Variants in TMEM131L observed in about 807,000 individuals in gnomAD.
TMEM131L encodes the protein transmembrane 131 like.
A neutral mutation model predicts 192.2 loss-of-function variants in TMEM131L; 54 were observed. That is an observed-to-expected ratio of 0.28 (90% confidence interval 0.23 to 0.35). The LOEUF is 0.35. TMEM131L is among the 10% of genes least tolerant of loss of function. The probability of loss-of-function intolerance (pLI) is 1.00; values close to 1 mark genes in which losing one functional copy is unlikely to be tolerated. For synonymous variants in TMEM131L, 701 were observed against 704.9 expected, an observed-to-expected ratio of 0.99 and a Z score of 0.09; for missense variants, 1,888 against 1,972.9, an observed-to-expected ratio of 0.96 and a Z score of 0.82.
At chr4:153,626,546 A>G (rs1003707982) in intron 30 of TMEM131L, among the ~76,000 whole-genome samples, 2 of 152,214 alleles carry the variant, frequency 1.3e-5, no homozygotes, top group African/African-American at 2.4e-5. Flanking sequence ...TCTTGAGTCC[A>G]GGAGTTCAGG....
At chr4:153,625,524 G>C (rs1733778662) in intron 29 of TMEM131L, among the ~76,000 whole-genome samples, 1 of 152,140 alleles carries the variant, frequency 6.6e-6, no homozygotes, top group African/African-American at 2.4e-5. Context: ...CAGTCTTCAA[G>C]TTGCATTTGA....
intron 3 of TMEM131L, among the ~76,000 whole-genome samples, chr4:153,528,944 T>C (rs6535921): frequency 0.47 from 70,916 of 152,014 alleles, 20,908 homozygotes; most frequent in African/African-American, 0.85. Flanking sequence ...TAGGGTAAGT[T>C]TCTGTGGGTC....
chr4:153,572,326 TTTTTG>T (rs1449354841), intron 7 of TMEM131L, among the ~76,000 whole-genome samples: 3 of 152,062 alleles, frequency 2.0e-5, no homozygotes, highest in African/African-American at 7.2e-5. Context: ...GGTTATTTCT[TTTTTG>T]TTTTGTTTTG....
intron 7 of TMEM131L, among the ~76,000 whole-genome samples, chr4:153,580,223 A>G (rs1473110065): frequency 6.6e-6 from 1 of 152,150 alleles, no homozygotes; most frequent in Admixed American, 6.5e-5. Context: ...ACATCATCCC[A>G]GGGGCTGTTA....
chr4:153,482,069 C>T (rs913941045), intron 3 of TMEM131L, among the ~76,000 whole-genome samples: 1 of 152,146 alleles, frequency 6.6e-6, no homozygotes, highest in Non-Finnish European at 1.5e-5. Flanking sequence ...TGGTCTTGAT[C>T]TCTTGACCTC....
chr4:153,609,421 T>C lies in TMEM131L; in HGVS notation c.3419-2831T>C, dbSNP rs529992198. 4.1e-4 allele frequency among the ~76,000 whole-genome samples: 63 copies of C among 152,264 alleles called. No individual in the cohort carries two copies. The Middle Eastern group carries it at 0.01, about 25-fold the overall frequency. Reference sequence around the variant, plus strand: ...CTCCCACCAGGCCCCTCCTCCAACATTGAGGATTACAATTTGACATGAGAT... The same window carrying C: ...CTCCCACCAGGCCCCTCCTCCAACACTGAGGATTACAATTTGACATGAGAT... On this transcript the variant is annotated intron_variant, in intron 25 of 34. Transcript: ENST00000409959.
intron 3 of TMEM131L, among the ~76,000 whole-genome samples, chr4:153,496,004 A>G (rs893043258): frequency 2.6e-5 from 4 of 152,186 alleles, no homozygotes; most frequent in African/African-American, 9.7e-5. Flanking sequence ...TGGCCAGAAA[A>G]GAAGTCTGAA....
At chr4:153,494,504 T>C (rs1017277100) in intron 3 of TMEM131L, among the ~76,000 whole-genome samples, 23 of 152,228 alleles carry the variant, frequency 1.5e-4, no homozygotes, top group African/African-American at 4.8e-4. Flanking sequence ...TTTTTTATTA[T>C]GCCATAAGGT....
rs146107393 is a variant in TMEM131L at position 153,517,700 on chromosome 4, A to G, written c.240-32373A>G. ...GCTCCTGAAAACTATGGTAGCAGTG[A>G]AAGAAAGACTCTTGGAAAATGGTTA... On this transcript the variant is annotated intron_variant, in intron 3 of 34. Coordinates refer to ENST00000409959, the MANE Select transcript of TMEM131L (RefSeq NM_001131007.2). Among the ~76,000 whole-genome samples the G allele has an allele frequency of 5.0e-3, 759 of 152,326 alleles. 5 individuals are homozygous for G. Among genetic ancestry groups the G allele is most frequent in the African/African-American group, 0.015 (617 of 41,562 alleles).
intron 4 of TMEM131L, among the ~76,000 whole-genome samples, chr4:153,553,391 T>G (rs1737779019): frequency 6.6e-6 from 1 of 151,974 alleles, no homozygotes; most frequent in Non-Finnish European, 1.5e-5. Context: ...AGAGCACTCA[T>G]AATGCTATTT....
intron 3 of TMEM131L, among the ~76,000 whole-genome samples, chr4:153,474,757 T>C (rs996485592): frequency 2.0e-5 from 3 of 152,158 alleles, no homozygotes; most frequent in Non-Finnish European, 2.9e-5. Flanking sequence ...GGTTTCTCCA[T>C]GCTAGCCAGG....
intron 3 of TMEM131L, among the ~76,000 whole-genome samples, chr4:153,507,383 C>T (rs1180347544): frequency 6.6e-6 from 1 of 152,182 alleles, no homozygotes; most frequent in Non-Finnish European, 1.5e-5. Context: ...ATCTGCGTGG[C>T]ACATCTCCAC....
At chr4:153,588,583 T>A (rs1730858297) in intron 15 of TMEM131L, among the ~76,000 whole-genome samples, 1 of 151,916 alleles carries the variant, frequency 6.6e-6, no homozygotes, top group Admixed American at 6.6e-5. Flanking sequence ...CATTTTAGAT[T>A]TAAAGCTGTT....
At chr4:153,575,344 A>G (rs1264079190) in intron 7 of TMEM131L, among the ~76,000 whole-genome samples, 1 of 152,200 alleles carries the variant, frequency 6.6e-6, no homozygotes, top group Non-Finnish European at 1.5e-5. Context: ...AATACATGAC[A>G]TACAAAAGGA....
chr4:153,526,500 C>T (rs554891172), intron 3 of TMEM131L, among the ~76,000 whole-genome samples: 10 of 151,788 alleles, frequency 6.6e-5, no homozygotes, highest in African/African-American at 1.9e-4. Context: ...TTTGGGAGTC[C>T]GAGGCAGGTG....
chr4:153,505,393 A>G (rs771087517), intron 3 of TMEM131L, among the ~76,000 whole-genome samples: 4 of 152,136 alleles, frequency 2.6e-5, no homozygotes, highest in Non-Finnish European at 5.9e-5. Context: ...GGTGTGAGCC[A>G]CCTTGCCCAG....
intron 3 of TMEM131L, among the ~76,000 whole-genome samples, chr4:153,519,036 A>G (rs115115264): frequency 0.015 from 2,236 of 152,216 alleles, 47 homozygotes; most frequent in African/African-American, 0.05. Context: ...CTTTATGTGT[A>G]ATACTTTTTC....
At chr4:153,466,813 C>T (rs1002107544) in intron 1 of TMEM131L, among the ~76,000 whole-genome samples, 3 of 152,276 alleles carry the variant, frequency 2.0e-5, no homozygotes, top group South Asian at 2.1e-4. Context: ...GGCGCAGCCC[C>T]CGCTTTGTGT....
At chr4:153,594,915 C>G (rs1731324257) in intron 19 of TMEM131L, among the ~76,000 whole-genome samples, 1 of 152,166 alleles carries the variant, frequency 6.6e-6, no homozygotes, top group African/African-American at 2.4e-5. Context: ...TAAGTGATAT[C>G]TTGCCTCACT....
Sources: gnomAD v4.1 joint callset for allele counts (sites outside exome capture counted in the v4.1 genomes callset) on GRCh38, gnomAD v4.1.1 for gene constraint, MANE v1.5 for transcripts, NCBI Gene and HGNC (gene_info 2026-07-23, HGNC 2026-07-21) for gene names.